FAT3: variants seen among roughly 807,000 people sequenced by gnomAD.
FAT3 encodes FAT atypical cadherin 3.
In FAT3, 95 loss-of-function variants were observed where a neutral mutation model predicts 310.2. The ratio of observed to expected loss-of-function variants is 0.31; its 90% CI spans 0.26 to 0.36. FAT3 has a LOEUF of 0.36. Ranked by LOEUF, FAT3 falls within the 10% of genes least tolerant of loss-of-function variation. The pLI is 1.00. For synonymous variants in FAT3, 2,314 were observed against 2,192.9 expected (o/e 1.06, Z -1.54); for missense variants, 5,408 against 5,715.6 (o/e 0.95, Z 1.74).
intron 2 of FAT3, among the ~76,000 whole-genome samples, chr11:92,430,638 C>A (rs1950744563): frequency 1.3e-5 from 2 of 152,018 alleles, no homozygotes; most frequent in South Asian, 4.1e-4. Context: ...TCAGGTATAT[C>A]TCCTAATGCT....
chr11:92,374,853 TTA>T (rs202001834), intron 2 of FAT3, among the ~76,000 whole-genome samples: 41,569 of 145,204 alleles, frequency 0.29, 6,522 homozygotes, highest in African/African-American at 0.51. Flanking sequence ...GTTTTTTTTT[TTA>T]ATTGTACAAT....
At chr11:92,714,199 A>G (rs1791552) in intron 4 of FAT3, among the ~76,000 whole-genome samples, 47,558 of 151,994 alleles carry the variant, frequency 0.31, 7,725 homozygotes, top group Non-Finnish European at 0.33. Context: ...TGGTGATAAT[A>G]TTGCTCCGAA....
At chr11:92,765,800 G>A (rs760695720) in intron 6 of FAT3, among the ~76,000 whole-genome samples, 3 of 147,566 alleles carry the variant, frequency 2.0e-5, no homozygotes, top group Non-Finnish European at 4.5e-5. Context: ...GGGGGGGGTT[G>A]TTTTGACTTT....
In FAT3 at chr11:92,504,427, T is replaced by C. The variant is rs564376203; in HGVS notation, c.3293-20207T>C. Among the ~76,000 whole-genome samples the C allele has an allele frequency of 5.9e-5, 9 of 152,262 alleles. No individual in the cohort carries two copies. In the South Asian group the frequency reaches 1.0e-3, roughly 18 times the overall value. The stretch of plus-strand genomic sequence containing the variant: ...ACAGAAGGAAGGGTTTCCAAAAGAC[T>C]GTTGGTCCTGAACAACTATTACTTA... On this transcript the variant is annotated intron_variant, in intron 2 of 27. Transcript: ENST00000525166.
At chr11:92,527,927 T>G (rs1220300223) in intron 3 of FAT3, among the ~76,000 whole-genome samples, 3 of 152,222 alleles carry the variant, frequency 2.0e-5, no homozygotes, top group African/African-American at 7.2e-5. Flanking sequence ...CAAATGGATG[T>G]TGACTCTAGT....
intron 1 of FAT3, among the ~76,000 whole-genome samples, chr11:92,283,603 C>G (rs978140431): frequency 1.3e-5 from 2 of 152,150 alleles, no homozygotes; most frequent in Admixed American, 1.3e-4. Context: ...TGAATGGCTT[C>G]TAGTTTCACC....
intron 1 of FAT3, among the ~76,000 whole-genome samples, chr11:92,281,560 T>G (rs1481566599): frequency 6.6e-6 from 1 of 152,106 alleles, no homozygotes; most frequent in Non-Finnish European, 1.5e-5. Flanking sequence ...AATCACTGAC[T>G]CATTCATCTC....
chr11:92,540,502 T>A (rs1305030991), intron 3 of FAT3, among the ~76,000 whole-genome samples: 1 of 152,150 alleles, frequency 6.6e-6, no homozygotes, highest in East Asian at 1.9e-4. Flanking sequence ...AAATTAATCA[T>A]AGAGGGTAAG....
In FAT3 at chr11:92,355,162, G is replaced by A. The variant is rs376758242; in HGVS notation, c.3050G>A (p.Arg1017Gln). ...NLTVRAKDKG[R>Q]PVSLSSVSFV... ...ACTGTGCGGGCCAAAGACAAAGGGC[G>A]GCCTGTCTCTCTGTCATCTGTTTCC... Residue 1017 changes from arginine (R) to glutamine (Q), a missense_variant, in exon 2 of 28, where the codon CGG (arginine) becomes CAG (glutamine). By Grantham distance (43) the Arg-to-Gln change is conservative (BLOSUM62 1). Around this residue, in one of 5 missense-constraint regions of FAT3, gnomAD observed 4,588 missense variants for 4,809.8 expected, o/e 0.95. Coordinates refer to ENST00000525166, the MANE Select transcript of FAT3 (RefSeq NM_001367949.2). 15 of 1,613,596 alleles carry A rather than the reference G, an allele frequency of 9.3e-6. No individual in the cohort carries two copies. Among genetic ancestry groups the A allele is most frequent in the African/African-American group, 6.7e-5 (5 of 74,890 alleles).
chr11:92,444,003 A>G (rs1292552276), intron 2 of FAT3, among the ~76,000 whole-genome samples: 1 of 152,218 alleles, frequency 6.6e-6, no homozygotes, highest in African/African-American at 2.4e-5. Flanking sequence ...AGTGTTTCCT[A>G]TGCATCATAT....
chr11:92,857,520 C>T (rs1031392810), intron 20 of FAT3, among the ~76,000 whole-genome samples, 172 bp downstream of exon 20: 3 of 152,228 alleles, frequency 2.0e-5, no homozygotes, highest in African/African-American at 7.2e-5. Context: ...TAGGATTTAT[C>T]ACAGCTGCAG....
At chr11:92,652,778 C>T (rs1373056584) in intron 3 of FAT3, among the ~76,000 whole-genome samples, 1 of 152,228 alleles carries the variant, frequency 6.6e-6, no homozygotes, top group Non-Finnish European at 1.5e-5. Context: ...TGGGAAGATG[C>T]TTCCTGAAGG....
intron 4 of FAT3, among the ~76,000 whole-genome samples, chr11:92,702,581 C>G (rs547842796): frequency 6.6e-6 from 1 of 152,162 alleles, no homozygotes; most frequent in South Asian, 2.1e-4. Context: ...CCATCTACTT[C>G]CTCCTCCCCT....
rs527830501 is a variant in FAT3, at chr11:92,566,141, T to C, written c.3607+41193T>C. 1.3e-3 allele frequency among the ~76,000 whole-genome samples: 194 copies of C among 152,224 alleles called. 2 individuals are homozygous for C. The highest frequency in any genetic ancestry group is 4.4e-3 in the African/African-American group (184 of 41,534). On this transcript the variant is annotated intron_variant, in intron 3 of 27. Coordinates refer to ENST00000525166, the MANE Select transcript of FAT3 (RefSeq NM_001367949.2). ...TGATTGTGTATCTAGAAAACCCCAT[T>C]GTCTCAGTACAAAATCTCCTTAAGC...
chr11:92,310,971 T>C (rs1947283956), intron 1 of FAT3, among the ~76,000 whole-genome samples: 2 of 151,702 alleles, frequency 1.3e-5, no homozygotes, highest in South Asian at 4.1e-4. Flanking sequence ...AAAAAACTTT[T>C]TTTGAGATGG....
intron 13 of FAT3, among the ~76,000 whole-genome samples, chr11:92,818,589 C>A (rs1261175836): frequency 6.6e-6 from 1 of 152,126 alleles, no homozygotes; most frequent in Non-Finnish European, 1.5e-5. Flanking sequence ...CAAATGTACC[C>A]AAGAAACACA....
chr11:92,427,465 T>A (rs1950660751), intron 2 of FAT3, among the ~76,000 whole-genome samples: 1 of 152,234 alleles, frequency 6.6e-6, no homozygotes, highest in Non-Finnish European at 1.5e-5. Context: ...AAGGGAATGC[T>A]TCCAGCTTTC....
intron 1 of FAT3, among the ~76,000 whole-genome samples, chr11:92,309,379 CG>C (rs1565216526): frequency 4.0e-5 from 2 of 49,714 alleles, no homozygotes; most frequent in African/African-American, 2.3e-4. Context: ...TTTACACACA[CG>C]CATGCACACA....
At chr11:92,271,071 C>G (rs1946111987) in intron 1 of FAT3, among the ~76,000 whole-genome samples, 1 of 152,090 alleles carries the variant, frequency 6.6e-6, no homozygotes, top group African/African-American at 2.4e-5. Context: ...GTTCCTGCAG[C>G]AGCCTCCAAG....
Sources: allele counts gnomAD v4.1 joint callset (sites outside exome capture counted in the v4.1 genomes callset), GRCh38; gene constraint gnomAD v4.1.1; regional missense constraint gnomAD v4.1.1; transcripts MANE v1.5; gene names NCBI Gene and HGNC (gene_info 2026-07-23, HGNC 2026-07-21).